The following FLRT1 variants were observed in gnomAD, a reference collection of about 807,000 sequenced individuals.
FLRT1 encodes the protein leucine-rich repeat transmembrane protein FLRT1.
Under a neutral mutation model 30.9 loss-of-function variants are expected in FLRT1, and 14 were observed. That is an observed-to-expected ratio of 0.45 (90% confidence interval 0.30 to 0.71). The LOEUF is 0.71. Ranked by LOEUF, FLRT1 falls within the 30% of genes least tolerant of loss-of-function variation. The probability of loss-of-function intolerance (pLI) is 0.08; values close to 1 mark genes in which losing one functional copy is unlikely to be tolerated. For synonymous variants in FLRT1, 368 were observed against 430.4 expected, an observed-to-expected ratio of 0.85 and a Z score of 1.80; for missense variants, 737 against 949.2, an observed-to-expected ratio of 0.78 and a Z score of 2.94.
intron 1 of FLRT1, among the ~76,000 whole-genome samples, chr11:64,101,522 T>C (rs1044534625): frequency 1.3e-5 from 2 of 152,184 alleles, no homozygotes; most frequent in African/African-American, 4.8e-5. Context: ...CAAGGCCCGC[T>C]GCCCCTGCCC....
In FLRT1 at chr11:64,117,680, G is replaced by A. The variant is rs143933813; in HGVS notation, c.1413G>A (p.Leu471=). 10 of 1,613,670 alleles carry A rather than the reference G, an allele frequency of 6.2e-6. No homozygotes were observed. The South Asian group carries it at 9.9e-5, about 16-fold the overall frequency. Residue 471 remains leucine (L), a synonymous_variant, in exon 3 of 3, where the codon CTG becomes CTA. Transcript: ENST00000682287. ...CTTTCCGGCTCAGTTGGCTGCGCCTGGGCCACAGCCCAGCCGTGGGCTCCA... is the reference window on the plus strand; with the variant it reads ...CTTTCCGGCTCAGTTGGCTGCGCCTAGGCCACAGCCCAGCCGTGGGCTCCA... ...ASSFRLSWLR[L]GHSPAVGSIT... is the part of the protein sequence containing the mutation.
chr11:64,061,595 A>G (rs1943905006), intron 1 of FLRT1, among the ~76,000 whole-genome samples: 1 of 152,064 alleles, frequency 6.6e-6, no homozygotes, highest in South Asian at 2.1e-4. Context: ...TTATCTGTGG[A>G]TGGGGTCCGA....
At chr11:64,042,663 C>T (rs899421409) in intron 1 of FLRT1, among the ~76,000 whole-genome samples, 6 of 152,148 alleles carry the variant, frequency 3.9e-5, no homozygotes, top group South Asian at 2.1e-4. Flanking sequence ...GGCTGTCTAC[C>T]GGTCCCAGGG....
intron 1 of FLRT1, among the ~76,000 whole-genome samples, chr11:64,054,602 G>A (rs948853958): frequency 3.9e-5 from 6 of 152,152 alleles, no homozygotes; most frequent in Admixed American, 2.6e-4. Flanking sequence ...GGCAAGCCAC[G>A]GTTCCTGGGC....
intron 2 of FLRT1, among the ~76,000 whole-genome samples, chr11:64,109,997 TGC>T (rs1944831275): frequency 6.6e-6 from 1 of 152,044 alleles, no homozygotes; most frequent in Non-Finnish European, 1.5e-5. Flanking sequence ...TTAAACTGGA[TGC>T]GTCGGGGGCA....
intron 1 of FLRT1, among the ~76,000 whole-genome samples, chr11:64,089,490 C>T (rs1340888956): frequency 6.6e-6 from 1 of 152,228 alleles, no homozygotes; most frequent in Non-Finnish European, 1.5e-5. Context: ...CCAGCCCCCT[C>T]CCCTGACTCC....
At chr11:64,113,938 G>A (rs544355574) in intron 2 of FLRT1, among the ~76,000 whole-genome samples, 76 of 145,240 alleles carry the variant, frequency 5.2e-4, no homozygotes, top group African/African-American at 1.6e-3. Flanking sequence ...ATTGATGCAC[G>A]GATGGATGGA....
intron 2 of FLRT1, among the ~76,000 whole-genome samples, chr11:64,109,823 C>T (rs1376927630): frequency 2.0e-5 from 3 of 152,092 alleles, no homozygotes; most frequent in African/African-American, 7.2e-5. Flanking sequence ...GGGCAGGGGG[C>T]AACACCTCAG....
At chr11:64,063,872 C>G (rs1431269938) in intron 1 of FLRT1, among the ~76,000 whole-genome samples, 1 of 152,238 alleles carries the variant, frequency 6.6e-6, no homozygotes, top group Non-Finnish European at 1.5e-5. Flanking sequence ...TTCTCCCCAG[C>G]CCCAGAGAGG....
intron 2 of FLRT1, among the ~76,000 whole-genome samples, chr11:64,112,795 G>T (rs901877376): frequency 6.6e-6 from 1 of 152,146 alleles, no homozygotes; most frequent in African/African-American, 2.4e-5. Flanking sequence ...GGCCAACAGG[G>T]GTGCCACATA....
intron 1 of FLRT1, among the ~76,000 whole-genome samples, chr11:64,088,899 C>G (rs1944441305): frequency 6.6e-6 from 1 of 152,062 alleles, no homozygotes; most frequent in Non-Finnish European, 1.5e-5. Flanking sequence ...GTGCGGTTCA[C>G]AAAGTCATGG....
chr11:64,095,438 G>A (rs1239839636), intron 1 of FLRT1, among the ~76,000 whole-genome samples: 1 of 152,218 alleles, frequency 6.6e-6, no homozygotes, highest in East Asian at 1.9e-4. Context: ...GGGAAAGGGT[G>A]GGAGATTTCC....
chr11:64,057,876 T>A (rs1943819436), intron 1 of FLRT1, among the ~76,000 whole-genome samples: 1 of 152,204 alleles, frequency 6.6e-6, no homozygotes, highest in Admixed American at 6.5e-5. Flanking sequence ...CACGAATTCG[T>A]GAGGTCACAG....
Position 64,080,211 on chromosome 11 carries a change from AC to A in FLRT1, c.-1037-22982del, listed in dbSNP as rs1294053979. 5.3e-5 allele frequency among the ~76,000 whole-genome samples: 8 copies of A among 152,166 alleles called. No homozygotes were observed. In the South Asian group the frequency reaches 1.7e-3, roughly 32 times the overall value. On this transcript the variant is annotated intron_variant, in intron 1 of 2. Coordinates refer to ENST00000682287, the MANE Select transcript of FLRT1 (RefSeq NM_013280.5). ...TATTTTTAGTAGAGACGGGGTATCA[AC>A]ATGTTGGCCAGGCTGGTCTCAAACT...
In FLRT1 at chr11:64,117,017, C is replaced by T; in HGVS notation, c.750C>T (p.Leu250=). 1.9e-6 allele frequency: 3 copies of T among 1,612,618 alleles called. No homozygotes were observed. The highest frequency in any genetic ancestry group is 2.2e-5 in the South Asian group (2 of 90,946). ...ACACCTTCAGCCGCCTACAGAACCT[C>T]ACAGAGCTCTCGCTGGTGCGCAATT... ...ADDTFSRLQN[L]TELSLVRNSL... is the part of the protein sequence containing the mutation. The change falls in exon 3 of 3, where the codon CTC becomes CTT. Residue 250 remains leucine (L), a synonymous_variant. Transcript: ENST00000682287.
intron 1 of FLRT1, among the ~76,000 whole-genome samples, chr11:64,066,294 CAAAAAAAAA>C (rs59963244): frequency 3.9e-5 from 2 of 50,936 alleles, no homozygotes; most frequent in Non-Finnish European, 8.6e-5. Flanking sequence ...GAGACTGTCT[CAAAAAAAAA>C]AAAAAAAAAA....
Position 64,117,959 on chromosome 11 carries a change from C to A in FLRT1, c.1692C>A (p.Val564=), listed in dbSNP as rs140790562. 199 of 1,613,636 alleles carry A rather than the reference C, an allele frequency of 1.2e-4. No homozygotes were observed. Among genetic ancestry groups the A allele is most frequent in the Non-Finnish European group, 1.6e-4 (190 of 1,180,026 alleles). ...AGIIGGAVAL[V]FLFLVLGAIC... is the part of the protein sequence containing the mutation. ...TCATCGGCGGGGCAGTGGCTCTGGTCTTCCTCTTCCTGGTCCTGGGGGCCA... is the reference window on the plus strand; with the variant it reads ...TCATCGGCGGGGCAGTGGCTCTGGTATTCCTCTTCCTGGTCCTGGGGGCCA... Residue 564 remains valine, a synonymous_variant, in exon 3 of 3, where the codon GTC becomes GTA. Transcript: ENST00000682287.
At chr11:64,113,007 T>C (rs1483551057) in intron 2 of FLRT1, among the ~76,000 whole-genome samples, 1 of 152,172 alleles carries the variant, frequency 6.6e-6, no homozygotes, top group Non-Finnish European at 1.5e-5. Context: ...TTTGGTGACA[T>C]GAAAACACCA....
chr11:64,109,669 G>A (rs1434884249), intron 2 of FLRT1, among the ~76,000 whole-genome samples: 5 of 152,132 alleles, frequency 3.3e-5, no homozygotes, highest in African/African-American at 7.2e-5. Flanking sequence ...CAGCCTGGAG[G>A]GCCTCCCATG....
Sources: gnomAD v4.1 joint callset for allele counts (sites outside exome capture counted in the v4.1 genomes callset) on GRCh38, gnomAD v4.1.1 for gene constraint, MANE v1.5 for transcripts, NCBI Gene and HGNC (gene_info 2026-07-23, HGNC 2026-07-21) for gene names.